GLIS3: variants seen among roughly 807,000 people sequenced by gnomAD.
GLIS3 encodes GLIS family zinc finger 3.
Under a neutral mutation model 78.6 loss-of-function variants are expected in GLIS3, and 53 were observed. The observed-to-expected ratio is 0.67, with a 90% CI of 0.54 to 0.85. GLIS3 has a LOEUF of 0.85. Among genes scored for constraint, GLIS3 ranks in the 40% least tolerant of loss-of-function variants. The probability of loss-of-function intolerance (pLI) is 0.00; values close to 1 mark genes in which losing one functional copy is unlikely to be tolerated. For synonymous variants in GLIS3, 684 were observed against 509.9 expected, an observed-to-expected ratio of 1.34 and a Z score of -4.60; for missense variants, 1,703 against 1,231.1, an observed-to-expected ratio of 1.38 and a Z score of -5.74.
the GLIS3 span, among the ~76,000 whole-genome samples, chr9:4,374,150 C>T: frequency 6.6e-6 from 1 of 152,166 alleles, no homozygotes; most frequent in Non-Finnish European, 1.5e-5. Flanking sequence ...AGAGAAGGAC[C>T]TGCTTGTTGA....
At chr9:4,237,726 G>A (rs1296618251) in intron 2 of GLIS3, among the ~76,000 whole-genome samples, 1 of 152,158 alleles carries the variant, frequency 6.6e-6, no homozygotes, top group East Asian at 1.9e-4. Context: ...TTGTTTTGCA[G>A]TATTTTCCCC....
At chr9:4,253,459 G>A (rs111586130) in intron 2 of GLIS3, among the ~76,000 whole-genome samples, 83 of 152,314 alleles carry the variant, frequency 5.4e-4, no homozygotes, top group African/African-American at 1.8e-3. Context: ...ACGCTCCCCC[G>A]ACCAAGCTCG....
At chr9:4,262,539 T>G (rs1237680169) in intron 2 of GLIS3, among the ~76,000 whole-genome samples, 2 of 152,168 alleles carry the variant, frequency 1.3e-5, no homozygotes, top group South Asian at 4.1e-4. Context: ...AACAGTTCCA[T>G]GAGTTAAATA....
the GLIS3 span, among the ~76,000 whole-genome samples, chr9:4,428,480 T>C: frequency 1.1e-5 from 1 of 93,542 alleles, no homozygotes; most frequent in Non-Finnish European, 2.0e-5. Flanking sequence ...TGAGACTCTG[T>C]CTCAAAAAAA....
At chr9:4,059,380 C>G (rs1221588728) in intron 4 of GLIS3, among the ~76,000 whole-genome samples, 2 of 152,228 alleles carry the variant, frequency 1.3e-5, no homozygotes, top group Non-Finnish European at 2.9e-5. Context: ...TGCTGCTCTG[C>G]TTTCATCCTT....
the GLIS3 span, among the ~76,000 whole-genome samples, chr9:4,356,475 G>C: frequency 2.6e-5 from 4 of 152,324 alleles, no homozygotes; most frequent in African/African-American, 7.2e-5. Context: ...ATGGAGAGCA[G>C]AGAAAATGTT....
chr9:4,263,370 ATG>A (rs1285151600), intron 2 of GLIS3, among the ~76,000 whole-genome samples: 1 of 152,208 alleles, frequency 6.6e-6, no homozygotes, highest in East Asian at 1.9e-4. Flanking sequence ...ATTAATTGAC[ATG>A]TGAGATAAAT....
rs368187148 is a variant in GLIS3, at chr9:4,261,397, G to T, written c.388+24641C>A. ...AGAAAGGGAGACAGGGGAGGGTACA[G>T]ATTAAGATAAAAAGAGAACAGAAGG... On this transcript the variant is annotated intron_variant, in intron 2 of 10. Transcript: ENST00000381971. Among the ~76,000 whole-genome samples the T allele has an allele frequency of 6.3e-4, 96 of 152,302 alleles. No homozygotes were observed. The South Asian group carries it at 0.017, about 27-fold the overall frequency.
chr9:4,016,899 AC>A (rs1462815092), intron 4 of GLIS3, among the ~76,000 whole-genome samples: 1 of 152,144 alleles, frequency 6.6e-6, no homozygotes, highest in Non-Finnish European at 1.5e-5. Context: ...GGCACAAGGA[AC>A]TGCTGAGGTC....
At chr9:4,327,935 A>G (rs1186614903) in intron 2 of GLIS3, among the ~76,000 whole-genome samples, 1 of 152,158 alleles carries the variant, frequency 6.6e-6, no homozygotes, top group Admixed American at 6.5e-5. Flanking sequence ...AATTGCATCA[A>G]GAGCCTGGGC....
At chr9:4,163,215 T>G (rs907495425) in intron 2 of GLIS3, among the ~76,000 whole-genome samples, 5 of 151,940 alleles carry the variant, frequency 3.3e-5, no homozygotes, top group Non-Finnish European at 2.9e-5. Flanking sequence ...TCATTTTTTA[T>G]GTCTCAGCAT....
chr9:3,907,600 C>CACACACACACACA (rs1563836806), intron 6 of GLIS3, among the ~76,000 whole-genome samples: 6 of 120,400 alleles, frequency 5.0e-5, no homozygotes, highest in South Asian at 3.0e-4. Flanking sequence ...ATCCTCCACC[C>CACACACACACACA]CCCAAACACA....
chr9:3,857,526 G>T (rs1363607033), intron 8 of GLIS3, among the ~76,000 whole-genome samples: 1 of 152,210 alleles, frequency 6.6e-6, no homozygotes, highest in Non-Finnish European at 1.5e-5. Context: ...CATGTGAGGT[G>T]TGATGAGACT....
chr9:4,107,896 G>A (rs1409246727), intron 4 of GLIS3, among the ~76,000 whole-genome samples: 1 of 152,056 alleles, frequency 6.6e-6, no homozygotes, highest in Non-Finnish European at 1.5e-5. Flanking sequence ...TCTTCACACA[G>A]TGCAAATAAC....
At position 4,117,789 on chromosome 9, in the gene GLIS3, C is replaced by G. The variant is rs1831784339; in HGVS notation, c.1689G>C (p.Gly563=). 1 of 1,614,174 alleles carries G rather than the reference C, an allele frequency of 6.2e-7. No homozygotes were observed. Among genetic ancestry groups the G allele is most frequent in the East Asian group, 2.2e-5 (1 of 44,878 alleles). The change falls in exon 4 of 11, where the codon GGG becomes GGC. Residue 563 remains glycine (G), a synonymous_variant. Transcript: ENST00000381971. ...TCACCGTACACTTGTTGGGCTTCTC[C>G]CCAGAGTGGACTCTCATGTGGATCA... ...KLLIHMRVHS[G]EKPNKCTFEG... is the part of the protein sequence containing the mutation.
At chr9:4,325,711 T>C (rs1273516699) in intron 2 of GLIS3, among the ~76,000 whole-genome samples, 1 of 152,154 alleles carries the variant, frequency 6.6e-6, no homozygotes, top group East Asian at 1.9e-4. Context: ...GATAAATATG[T>C]TTGTTTTTAT....
chr9:4,354,849 G>A, the GLIS3 span, among the ~76,000 whole-genome samples: 1 of 152,116 alleles, frequency 6.6e-6, no homozygotes, highest in Non-Finnish European at 1.5e-5. Flanking sequence ...GGACATGGTG[G>A]CTCATGCCTG....
At chr9:4,098,698 C>G (rs1025922517) in intron 4 of GLIS3, among the ~76,000 whole-genome samples, 1 of 152,114 alleles carries the variant, frequency 6.6e-6, no homozygotes, top group Non-Finnish European at 1.5e-5. Context: ...ACTTCTTTAC[C>G]TTTTTACTTT....
chr9:4,364,929 G>C, the GLIS3 span, among the ~76,000 whole-genome samples: 70 of 151,922 alleles, frequency 4.6e-4, 1 homozygote, highest in Non-Finnish European at 8.7e-4. Context: ...AACTACAGGT[G>C]TCTGCTACTG....
Sources: gnomAD v4.1 joint callset for allele counts (sites outside exome capture counted in the v4.1 genomes callset) on GRCh38, gnomAD v4.1.1 for gene constraint, MANE v1.5 for transcripts, NCBI Gene and HGNC (gene_info 2026-07-23, HGNC 2026-07-21) for gene names.